FHIT: variants seen among roughly 807,000 people sequenced by gnomAD.
The protein encoded by FHIT is bis(5'-adenosyl)-triphosphatase.
A neutral mutation model predicts 17.9 loss-of-function variants in FHIT; 19 were observed. The observed-to-expected ratio is 1.06, with a 90% CI of 0.74 to 1.56. FHIT has a LOEUF of 1.56. Among genes scored for constraint, FHIT ranks in the 40% most tolerant of loss-of-function variants. FHIT has a pLI of 0.00. For synonymous variants in FHIT, 81 were observed against 69.7 expected (o/e 1.16, Z -0.81); for missense variants, 248 against 189.2 (o/e 1.31, Z -1.82).
chr3:60,364,468 T>G lies in FHIT; in HGVS notation c.103+172392A>C, dbSNP rs1037506900. 2.0e-5 allele frequency among the ~76,000 whole-genome samples: 3 copies of G among 152,274 alleles called. No homozygotes were observed. In the East Asian group the frequency reaches 5.8e-4, roughly 29 times the overall value. On this transcript the variant is annotated intron_variant, in intron 5 of 9. Coordinates refer to ENST00000492590, the MANE Select transcript of FHIT (RefSeq NM_002012.4). ...ATGTGAGACTGGCAAAATCTCAGCATGCACCACTGTACCTGGTATGCAGTA... is the reference window on the plus strand; with the variant it reads ...ATGTGAGACTGGCAAAATCTCAGCAGGCACCACTGTACCTGGTATGCAGTA...
intron 2 of FHIT, among the ~76,000 whole-genome samples, chr3:61,166,449 C>A (rs961707026): frequency 6.6e-6 from 1 of 152,228 alleles, no homozygotes. Context: ...ATAGACCTGA[C>A]ATCCTTTAGA....
intron 2 of FHIT, among the ~76,000 whole-genome samples, chr3:61,158,401 C>A (rs77141089): frequency 6.6e-6 from 1 of 152,140 alleles, no homozygotes; most frequent in East Asian, 1.9e-4. Context: ...CAAATAAAAC[C>A]GCAGGCCACC....
intron 5 of FHIT, among the ~76,000 whole-genome samples, chr3:60,326,832 G>A (rs376966308): frequency 6.6e-6 from 1 of 152,206 alleles, no homozygotes; most frequent in Admixed American, 6.5e-5. Context: ...GAAGAGAAAT[G>A]TAAAAATGCT....
At chr3:60,764,749 A>T (rs1327313375) in intron 4 of FHIT, among the ~76,000 whole-genome samples, 1 of 151,030 alleles carries the variant, frequency 6.6e-6, no homozygotes, top group Admixed American at 6.6e-5. Context: ...GTGTTAATAT[A>T]CAACATATAA....
At chr3:60,402,252 A>G (rs1409689692) in intron 5 of FHIT, among the ~76,000 whole-genome samples, 3 of 152,182 alleles carry the variant, frequency 2.0e-5, no homozygotes, top group African/African-American at 4.8e-5. Context: ...TCCTCTCTAA[A>G]TCTAAGAATA....
intron 5 of FHIT, among the ~76,000 whole-genome samples, chr3:60,190,065 A>G (rs1279703868): frequency 1.3e-5 from 2 of 152,200 alleles, no homozygotes; most frequent in Non-Finnish European, 2.9e-5. Context: ...GCTACTTTTC[A>G]GTAGGGAAAA....
chr3:60,076,972 A>G (rs2630187), intron 5 of FHIT, among the ~76,000 whole-genome samples: 98,903 of 151,816 alleles, frequency 0.65, 33,141 homozygotes, highest in Middle Eastern at 0.77. Flanking sequence ...TTCTATTCTG[A>G]GCAAAGGAGA....
chr3:59,899,029 G>A (rs1704202836), intron 8 of FHIT, among the ~76,000 whole-genome samples: 1 of 152,120 alleles, frequency 6.6e-6, no homozygotes, highest in Admixed American at 6.6e-5. Flanking sequence ...CACCATCAGA[G>A]TCCTCACTGC....
rs2035011507 is a variant in FHIT at position 60,513,112 on chromosome 3, G to C, written c.103+23748C>G. ...AAAATGCAAGCTGAATTATTTAGGAGTAAAGCATCCTAACATCTGCAGCAG... is the reference window on the plus strand; with the variant it reads ...AAAATGCAAGCTGAATTATTTAGGACTAAAGCATCCTAACATCTGCAGCAG... On this transcript the variant is annotated intron_variant, in intron 5 of 9. Transcript: ENST00000492590. Among the ~76,000 whole-genome samples, 4 of 152,288 alleles carry C rather than the reference G, an allele frequency of 2.6e-5. No homozygotes were observed. In the South Asian group the frequency reaches 8.3e-4, roughly 32 times the overall value.
intron 2 of FHIT, among the ~76,000 whole-genome samples, chr3:61,055,088 TTTTG>T (rs145562388): frequency 0.2 from 30,253 of 151,696 alleles, 3,723 homozygotes; most frequent in African/African-American, 0.33. Flanking sequence ...TGTTAGTATC[TTTTG>T]TTTGTTTGTT....
intron 7 of FHIT, among the ~76,000 whole-genome samples, chr3:59,935,368 T>C (rs183072033): frequency 3.3e-5 from 5 of 152,242 alleles, no homozygotes; most frequent in Admixed American, 3.3e-4. Flanking sequence ...CCTTTCTCTT[T>C]CCTTTTCTTC....
At chr3:60,506,632 C>G (rs11720615) in intron 5 of FHIT, among the ~76,000 whole-genome samples, 1 of 151,936 alleles carries the variant, frequency 6.6e-6, no homozygotes, top group Non-Finnish European at 1.5e-5. Context: ...ATATAACACA[C>G]GGCCCTCCCA....
chr3:60,420,196 A>G (rs1702417656), intron 5 of FHIT, among the ~76,000 whole-genome samples: 1 of 152,178 alleles, frequency 6.6e-6, no homozygotes, highest in African/African-American at 2.4e-5. Flanking sequence ...GAAGGCCATC[A>G]TGCTTTGCAT....
chr3:59,932,182 G>A (rs1160182618), intron 7 of FHIT, among the ~76,000 whole-genome samples: 1 of 152,116 alleles, frequency 6.6e-6, no homozygotes, highest in African/African-American at 2.4e-5. Flanking sequence ...CTTCCACACT[G>A]CAAGCCTGAG....
chr3:60,594,501 A>G (rs2038196406), intron 4 of FHIT, among the ~76,000 whole-genome samples: 1 of 152,020 alleles, frequency 6.6e-6, no homozygotes, highest in African/African-American at 2.4e-5. Flanking sequence ...CACAGGACCA[A>G]CCAGTGAAAG....
chr3:60,808,341 A>G (rs1553735050), intron 4 of FHIT, among the ~76,000 whole-genome samples: 1 of 152,126 alleles, frequency 6.6e-6, no homozygotes. Flanking sequence ...CATTATGCAT[A>G]TATTTTGATA....
chr3:61,080,835 A>G (rs976303476), intron 2 of FHIT, among the ~76,000 whole-genome samples: 2 of 152,160 alleles, frequency 1.3e-5, no homozygotes, highest in African/African-American at 2.4e-5. Context: ...ACAGCAGGAA[A>G]AAAAAAAACA....
intron 5 of FHIT, among the ~76,000 whole-genome samples, chr3:60,314,990 G>C (rs1709102257): frequency 6.6e-6 from 1 of 152,106 alleles, no homozygotes; most frequent in South Asian, 2.1e-4. Flanking sequence ...CAAGAAACTG[G>C]CATTTCTCTT....
chr3:60,500,342 A>T (rs1399228316), intron 5 of FHIT, among the ~76,000 whole-genome samples: 1 of 112,500 alleles, frequency 8.9e-6, no homozygotes, highest in Non-Finnish European at 1.9e-5. Context: ...TCAAATAAAT[A>T]AAATAAAGTA....
Sources: gnomAD v4.1 joint callset for allele counts (sites outside exome capture counted in the v4.1 genomes callset) on GRCh38, gnomAD v4.1.1 for gene constraint, MANE v1.5 for transcripts, NCBI Gene and HGNC (gene_info 2026-07-23, HGNC 2026-07-21) for gene names.